SORCS1: variants seen among roughly 807,000 people sequenced by gnomAD.
SORCS1 encodes the protein sortilin related VPS10 domain containing receptor 1, also known as VPS10 domain-containing receptor SorCS1.
Under a neutral mutation model 146.1 loss-of-function variants are expected in SORCS1, and 60 were observed. The observed-to-expected ratio is 0.41, with a 90% confidence interval of 0.33 to 0.51. The LOEUF (loss-of-function observed/expected upper bound fraction) is 0.51, where lower values mean the gene tolerates loss of function less well. Ranked by LOEUF, SORCS1 falls within the 20% of genes least tolerant of loss-of-function variation. The pLI, the probability that SORCS1 is intolerant of heterozygous loss-of-function variation, is 0.21. For missense variants in SORCS1, 1,352 were observed against 1,487.6 expected, an observed-to-expected ratio of 0.91 and a Z score of 1.50; for synonymous variants, 637 against 584.0, an observed-to-expected ratio of 1.09 and a Z score of -1.31.
At chr10:107,053,306 TTTA>T (rs1455098907) in intron 1 of SORCS1, among the ~76,000 whole-genome samples, 1 of 152,176 alleles carries the variant, frequency 6.6e-6, no homozygotes, top group Non-Finnish European at 1.5e-5. Flanking sequence ...ACACTTATGA[TTTA>T]TTATATTGAA....
chr10:107,069,431 A>G (rs1215742201), intron 1 of SORCS1, among the ~76,000 whole-genome samples: 1 of 150,994 alleles, frequency 6.6e-6, no homozygotes, highest in African/African-American at 2.4e-5. Context: ...GCTGGAGTGC[A>G]GTAGTGCCAT....
Position 106,928,521 on chromosome 10 carries a change from C to T in SORCS1, c.626+27992G>A, listed in dbSNP as rs374009756. On this transcript the variant is annotated intron_variant, in intron 2 of 25. Transcript: ENST00000263054. ...CTGAGGGAGCCAGCTCTGGCCTTGGCCAGCCCAGAAAGGGGCTCCCACAGT... is the reference window on the plus strand; with the variant it reads ...CTGAGGGAGCCAGCTCTGGCCTTGGTCAGCCCAGAAAGGGGCTCCCACAGT... Among the ~76,000 whole-genome samples, 37 of 152,334 alleles carry T rather than the reference C, an allele frequency of 2.4e-4. 1 individual carries two copies. The South Asian group carries it at 7.5e-3, about 31-fold the overall frequency.
chr10:106,990,212 A>G (rs1021269830), intron 1 of SORCS1, among the ~76,000 whole-genome samples: 5 of 152,174 alleles, frequency 3.3e-5, no homozygotes, highest in African/African-American at 9.7e-5. Context: ...TGACTAAAGC[A>G]AACATTTGCC....
At chr10:106,959,625 GT>G (rs1268272796) in intron 1 of SORCS1, among the ~76,000 whole-genome samples, 1 of 152,134 alleles carries the variant, frequency 6.6e-6, no homozygotes, top group Non-Finnish European at 1.5e-5. Flanking sequence ...ATTCTCTGTT[GT>G]TTTTGTTGTA....
intron 1 of SORCS1, among the ~76,000 whole-genome samples, chr10:107,135,211 T>C (rs1029945834): frequency 1.3e-5 from 2 of 152,210 alleles, no homozygotes; most frequent in African/African-American, 4.8e-5. Flanking sequence ...TCTAAAACAA[T>C]TGGAAAATTA....
intron 2 of SORCS1, among the ~76,000 whole-genome samples, chr10:106,889,888 T>TAAAA (rs772421907): frequency 0.015 from 1,098 of 71,590 alleles, 84 homozygotes; most frequent in African/African-American, 0.051. Flanking sequence ...ACGTCTCAAA[T>TAAAA]AAAAAAAAAA....
intron 3 of SORCS1, among the ~76,000 whole-genome samples, chr10:106,790,796 T>C (rs967026888): frequency 6.6e-6 from 1 of 152,198 alleles, no homozygotes; most frequent in African/African-American, 2.4e-5. Context: ...TGTCTAGCTC[T>C]TGCTAGGTAT....
chr10:106,593,449 C>T (rs942712446), intron 24 of SORCS1, among the ~76,000 whole-genome samples: 6 of 152,060 alleles, frequency 3.9e-5, no homozygotes, highest in South Asian at 4.2e-4. Context: ...CTGTGGACAC[C>T]GCCAGCTCTA....
intron 18 of SORCS1, among the ~76,000 whole-genome samples, chr10:106,650,518 G>A (rs2135239708): frequency 6.6e-6 from 1 of 152,242 alleles, no homozygotes; most frequent in Middle Eastern, 3.4e-3. Context: ...ACCTCAGGGA[G>A]GAAAAAGGCC....
intron 2 of SORCS1, among the ~76,000 whole-genome samples, chr10:106,862,268 A>G (rs1202294634): frequency 6.6e-6 from 1 of 152,188 alleles, no homozygotes; most frequent in East Asian, 1.9e-4. Flanking sequence ...GTGAACGCAC[A>G]TCTTCTTTGT....
At chr10:106,675,489 ACTGT>A (rs1851960034) in intron 13 of SORCS1, among the ~76,000 whole-genome samples, 1 of 152,126 alleles carries the variant, frequency 6.6e-6, no homozygotes, top group Non-Finnish European at 1.5e-5. Flanking sequence ...AAACCTCTCT[ACTGT>A]CTAACAAGTC....
At chr10:107,014,965 A>G (rs1957839214) in intron 1 of SORCS1, among the ~76,000 whole-genome samples, 1 of 152,156 alleles carries the variant, frequency 6.6e-6, no homozygotes, top group African/African-American at 2.4e-5. Flanking sequence ...TGCAACTACT[A>G]AGAGAATATA....
intron 25 of SORCS1, chr10:106,578,957 AAGCCATCTT>A (rs1844728037): frequency 9.1e-6 from 13 of 1,435,864 alleles, no homozygotes; most frequent in Non-Finnish European, 1.2e-5. Flanking sequence ...AGCAGGGAAA[AAGCCATCTT>A]AGCTGTTTCT....
intron 1 of SORCS1, among the ~76,000 whole-genome samples, chr10:107,069,526 C>T (rs369938322): frequency 1.3e-5 from 2 of 152,114 alleles, no homozygotes; most frequent in Non-Finnish European, 2.9e-5. Flanking sequence ...CAGGCACCCA[C>T]CACCACGCCT....
chr10:106,794,508 T>C (rs1030986130), intron 3 of SORCS1, among the ~76,000 whole-genome samples: 6 of 147,952 alleles, frequency 4.1e-5, no homozygotes, highest in Non-Finnish European at 9.0e-5. Flanking sequence ...TTTCTTTTTT[T>C]TTTTTTTTTT....
chr10:107,063,991 G>T (rs982409273), intron 1 of SORCS1, among the ~76,000 whole-genome samples: 8 of 152,034 alleles, frequency 5.3e-5, no homozygotes, highest in African/African-American at 1.9e-4. Context: ...CACTTTCTAG[G>T]CCTCATTGAG....
intron 1 of SORCS1, among the ~76,000 whole-genome samples, chr10:107,124,426 C>T (rs529572449): frequency 6.6e-6 from 1 of 152,260 alleles, no homozygotes; most frequent in African/African-American, 2.4e-5. Flanking sequence ...AGATAGGTAA[C>T]ATAAAATGGA....
chr10:106,610,648 A>C (rs1399670239), intron 22 of SORCS1, among the ~76,000 whole-genome samples: 1 of 152,154 alleles, frequency 6.6e-6, no homozygotes, highest in Non-Finnish European at 1.5e-5. Flanking sequence ...AAGAATGTTC[A>C]GCAAACCTAA....
At chr10:106,915,471 C>T (rs936115023) in intron 2 of SORCS1, among the ~76,000 whole-genome samples, 3 of 152,122 alleles carry the variant, frequency 2.0e-5, no homozygotes, top group Admixed American at 6.6e-5. Context: ...TCCTTCCCCT[C>T]CTCATCCCAC....
Sources: allele counts gnomAD v4.1 joint callset (sites outside exome capture counted in the v4.1 genomes callset), GRCh38; gene constraint gnomAD v4.1.1; transcripts MANE v1.5; gene names NCBI Gene and HGNC (gene_info 2026-07-23, HGNC 2026-07-21).